Variants in R3HCC1L observed in about 807,000 individuals in gnomAD.
The protein encoded by R3HCC1L is coiled-coil domain-containing protein R3HCC1L.
R3HCC1L carries 51 observed loss-of-function variants against 59.9 expected under a neutral mutation model. The ratio of observed to expected loss-of-function variants is 0.85; its 90% confidence interval spans 0.68 to 1.07. The LOEUF (loss-of-function observed/expected upper bound fraction) is 1.07. R3HCC1L is among the 50% of genes least tolerant of loss of function. The pLI is 0.00. For missense variants in R3HCC1L, 965 were observed against 933.0 expected (o/e 1.03, Z -0.45); for synonymous variants, 322 against 315.2 (o/e 1.02, Z -0.23).
intron 4 of R3HCC1L, among the ~76,000 whole-genome samples, chr10:98,178,988 A>G (rs1254784092): frequency 6.6e-6 from 1 of 152,210 alleles, no homozygotes; most frequent in Non-Finnish European, 1.5e-5. Flanking sequence ...TTTTCTAAAT[A>G]TACAATCATG....
chr10:98,153,905 C>T (rs985446155), intron 1 of R3HCC1L, among the ~76,000 whole-genome samples: 1 of 151,838 alleles, frequency 6.6e-6, no homozygotes, highest in Non-Finnish European at 1.5e-5. Flanking sequence ...TATTATTTTC[C>T]AAAGACACTT....
chr10:98,240,409 GATATCGTTAC>G (rs1857404170), intron 9 of R3HCC1L, among the ~76,000 whole-genome samples: 1 of 152,216 alleles, frequency 6.6e-6, no homozygotes, highest in Non-Finnish European at 1.5e-5. Flanking sequence ...ACTGGACTTA[GATATCGTTAC>G]CTCTCAGAAT....
chr10:98,194,891 C>G (rs1439269171), intron 4 of R3HCC1L, among the ~76,000 whole-genome samples: 2 of 152,126 alleles, frequency 1.3e-5, no homozygotes, highest in Admixed American at 6.6e-5. Flanking sequence ...GGCACAGCTC[C>G]TATGGAAAAC....
At chr10:98,164,567 A>G (rs1260594820) in intron 4 of R3HCC1L, among the ~76,000 whole-genome samples, 1 of 152,024 alleles carries the variant, frequency 6.6e-6, no homozygotes, top group Non-Finnish European at 1.5e-5. Flanking sequence ...TATTAGGAGT[A>G]TTATTTTTTT....
chr10:98,200,429 T>C (rs1851907705), intron 4 of R3HCC1L, among the ~76,000 whole-genome samples: 2 of 152,172 alleles, frequency 1.3e-5, no homozygotes, highest in Non-Finnish European at 2.9e-5. Context: ...GGATTCAATG[T>C]CCATTTAAGT....
chr10:98,231,733 T>C, intron 6 of R3HCC1L, 46 bp downstream of exon 6: 4 of 1,464,642 alleles, frequency 2.7e-6, no homozygotes, highest in Non-Finnish European at 3.7e-6. Flanking sequence ...TGAGATGAAG[T>C]CTTTAAAAAA....
At chr10:98,207,952 A>G in intron 4 of R3HCC1L, 149 bp from the exon 5 acceptor site, 1 of 693,230 alleles carries the variant, frequency 1.4e-6, no homozygotes, top group Non-Finnish European at 2.3e-6. Flanking sequence ...TGAGCCTGGA[A>G]GGGCAGAGGT....
chr10:98,213,482 A>G (rs770679928), intron 5 of R3HCC1L, among the ~76,000 whole-genome samples: 6 of 152,208 alleles, frequency 3.9e-5, no homozygotes, highest in Non-Finnish European at 8.8e-5. Context: ...GATAAGTGAC[A>G]CAGAATATGA....
chr10:98,237,981 T>A (rs979833472), intron 9 of R3HCC1L, among the ~76,000 whole-genome samples: 1 of 152,094 alleles, frequency 6.6e-6, no homozygotes, highest in African/African-American at 2.4e-5. Context: ...GTAAGTAACT[T>A]ACTTACTTTC....
chr10:98,181,719 T>G (rs1405431529), intron 4 of R3HCC1L, among the ~76,000 whole-genome samples: 1 of 152,208 alleles, frequency 6.6e-6, no homozygotes, highest in Non-Finnish European at 1.5e-5. Flanking sequence ...TCATTTCTTT[T>G]TACTCGTTTT....
At chr10:98,188,669 A>G (rs1383311506) in intron 4 of R3HCC1L, among the ~76,000 whole-genome samples, 2 of 152,208 alleles carry the variant, frequency 1.3e-5, no homozygotes, top group African/African-American at 2.4e-5. Flanking sequence ...ATCTCCTAAC[A>G]TTAAGTAATT....
intron 4 of R3HCC1L, chr10:98,174,866 T>A: frequency 2.6e-6 from 2 of 768,062 alleles, no homozygotes; most frequent in South Asian, 1.2e-4. Flanking sequence ...TACATATTGA[T>A]GTTCGTAATG....
At chr10:98,240,831 T>C (rs112832083) in intron 9 of R3HCC1L, among the ~76,000 whole-genome samples, 1,623 of 152,050 alleles carry the variant, frequency 0.011, 40 homozygotes, top group African/African-American at 0.037. Flanking sequence ...TGTGACTTTT[T>C]TTCTGTGATG....
intron 4 of R3HCC1L, among the ~76,000 whole-genome samples, chr10:98,189,041 G>A (rs1198730768): frequency 1.3e-5 from 2 of 152,174 alleles, no homozygotes; most frequent in African/African-American, 4.8e-5. Flanking sequence ...TAAATATAAA[G>A]TTCATGTATT....
intron 1 of R3HCC1L, among the ~76,000 whole-genome samples, chr10:98,150,298 T>C (rs1846021027): frequency 6.6e-6 from 1 of 152,224 alleles, no homozygotes; most frequent in Non-Finnish European, 1.5e-5. Context: ...GGACAGTTGG[T>C]TCCTCACTTT....
rs545389677 is a variant in R3HCC1L, at chr10:98,198,941, A to G, written c.-14-9160A>G. Among the ~76,000 whole-genome samples the G allele has an allele frequency of 6.6e-5, 10 of 152,320 alleles. No individual in the cohort carries two copies. The South Asian group carries it at 2.1e-3, about 32-fold the overall frequency. On this transcript the variant is annotated intron_variant, in intron 4 of 9. Coordinates refer to ENST00000298999, the MANE Select transcript of R3HCC1L (RefSeq NM_001351015.2). ...AAATTCTCTAGAAGCTACTTTAAAA[A>G]CTACAAAAATAAACAAATGAAGTTA...
chr10:98,235,381 C>G (rs1295744751), intron 7 of R3HCC1L, 44 bp from the exon 8 acceptor site: 1 of 1,533,030 alleles, frequency 6.5e-7, no homozygotes, highest in Non-Finnish European at 9.0e-7. Flanking sequence ...TCCTTTGCAT[C>G]ACTCTACTTC....
chr10:98,146,704 A>G (rs1229232155), intron 1 of R3HCC1L, among the ~76,000 whole-genome samples: 1 of 152,216 alleles, frequency 6.6e-6, no homozygotes, highest in Non-Finnish European at 1.5e-5. Flanking sequence ...AACCTTCTGA[A>G]CCAGAATAGA....
Position 98,215,896 on chromosome 10 carries a change from C to T in R3HCC1L, c.1785+5997C>T, listed in dbSNP as rs375995681. ...AATAGTAATATAGGAAAGGAAAGAT[C>T]GCCAAATTGGAGTAAATTGGGAAAG... On this transcript the variant is annotated intron_variant, in intron 5 of 9. Coordinates refer to ENST00000298999, the MANE Select transcript of R3HCC1L (RefSeq NM_001351015.2). Among the ~76,000 whole-genome samples, 13 of 152,190 alleles carry T rather than the reference C, an allele frequency of 8.5e-5. No homozygotes were observed. In the South Asian group the frequency reaches 1.5e-3, roughly 17 times the overall value.
Sources: gnomAD v4.1 joint callset for allele counts (sites outside exome capture counted in the v4.1 genomes callset) on GRCh38, gnomAD v4.1.1 for gene constraint, MANE v1.5 for transcripts, NCBI Gene and HGNC (gene_info 2026-07-23, HGNC 2026-07-21) for gene names.